Variants in GARNL3 observed in about 807,000 individuals in gnomAD.
GARNL3 encodes the protein GTPase-activating Rap/Ran-GAP domain-like protein 3.
GARNL3 carries 63 observed loss-of-function variants against 125.0 expected under a neutral mutation model. The observed-to-expected ratio is 0.50, with a 90% CI of 0.41 to 0.62. GARNL3 has a LOEUF of 0.62. Among genes scored for constraint, GARNL3 ranks in the 20% least tolerant of loss-of-function variants. The pLI, the probability that GARNL3 is intolerant of heterozygous loss-of-function variation, is 0.00. For synonymous variants in GARNL3, 439 were observed against 457.5 expected (o/e 0.96, Z 0.52); for missense variants, 994 against 1,244.0 (o/e 0.80, Z 3.02).
intron 11 of GARNL3, among the ~76,000 whole-genome samples, chr9:127,336,681 G>T (rs1286970545): frequency 6.6e-6 from 1 of 152,194 alleles, no homozygotes; most frequent in African/African-American, 2.4e-5. Context: ...TTTGAGAAAT[G>T]ATAGAATTAA....
At chr9:127,313,583 A>T (rs982264732) in intron 4 of GARNL3, 24 bp downstream of exon 4, 2 of 1,485,106 alleles carry the variant, frequency 1.3e-6, no homozygotes, top group Non-Finnish European at 1.9e-6. Flanking sequence ...TCACACTTGA[A>T]GCAAAATTTA....
At chr9:127,349,412 TA>T (rs879771012) in intron 17 of GARNL3, among the ~76,000 whole-genome samples, 330 of 144,512 alleles carry the variant, frequency 2.3e-3, no homozygotes, top group Middle Eastern at 3.6e-3. Flanking sequence ...CTCGAAGTCT[TA>T]AAAAAAAAAA....
chr9:127,275,688 G>A (rs886598765), intron 1 of GARNL3, among the ~76,000 whole-genome samples: 1 of 152,172 alleles, frequency 6.6e-6, no homozygotes, highest in Admixed American at 6.5e-5. Context: ...AGCTTGCCGT[G>A]ATTGGCTTAC....
At chr9:127,340,195 T>TG (rs1829787720) in intron 13 of GARNL3, among the ~76,000 whole-genome samples, 1 of 152,096 alleles carries the variant, frequency 6.6e-6, no homozygotes, top group Admixed American at 6.5e-5. Flanking sequence ...CCCATGCACA[T>TG]GTGTGGGAAA....
At chr9:127,318,896 G>C (rs1422114155) in intron 5 of GARNL3, among the ~76,000 whole-genome samples, 3 of 152,166 alleles carry the variant, frequency 2.0e-5, no homozygotes, top group Admixed American at 6.5e-5. Flanking sequence ...TCAGGAATTG[G>C]AGCCTCAGAG....
At chr9:127,237,342 G>A (rs1408294783) in intron 1 of GARNL3, among the ~76,000 whole-genome samples, 1 of 152,226 alleles carries the variant, frequency 6.6e-6, no homozygotes, top group Non-Finnish European at 1.5e-5. Context: ...GTCACTGTCT[G>A]TAAAACCAGA....
intron 1 of GARNL3, among the ~76,000 whole-genome samples, chr9:127,238,671 T>G (rs1217936799): frequency 1.3e-5 from 2 of 152,224 alleles, no homozygotes; most frequent in East Asian, 3.8e-4. Flanking sequence ...TTCTGGGATA[T>G]TTATCCTAGA....
intron 22 of GARNL3, among the ~76,000 whole-genome samples, chr9:127,369,466 G>A (rs1222885813): frequency 1.3e-5 from 2 of 152,242 alleles, no homozygotes; most frequent in African/African-American, 4.8e-5. Flanking sequence ...AAAGGGAAGG[G>A]AGAGACAGAG....
Position 127,320,333 on chromosome 9 carries a change from G to A in GARNL3, c.504-382G>A, listed in dbSNP as rs529259095. Reference sequence around the variant, plus strand: ...GGAACTTAGGTTCAAGGGAATTTACGTTGCTTGTCCAAAGTAAAACATTTT... The same window carrying A: ...GGAACTTAGGTTCAAGGGAATTTACATTGCTTGTCCAAAGTAAAACATTTT... On this transcript the variant is annotated intron_variant, in intron 5 of 27. Coordinates refer to ENST00000373387, the MANE Select transcript of GARNL3 (RefSeq NM_032293.5). 2.0e-5 allele frequency among the ~76,000 whole-genome samples: 3 copies of A among 152,172 alleles called. No homozygotes were observed. In the South Asian group the frequency reaches 6.2e-4, roughly 32 times the overall value.
chr9:127,279,749 C>T lies in GARNL3; in HGVS notation c.145-11419C>T, dbSNP rs968571263. The stretch of plus-strand genomic sequence containing the variant: ...ATGTGTAGCATTTTTTCATAGCCCC[C>T]ATTTTTTTTTGTTTTGTTTTCATTT... On this transcript the variant is annotated intron_variant, in intron 1 of 27. Coordinates refer to ENST00000373387, the MANE Select transcript of GARNL3 (RefSeq NM_032293.5). Among the ~76,000 whole-genome samples the T allele has an allele frequency of 6.6e-5, 10 of 152,184 alleles. No homozygotes were observed. In the East Asian group the frequency reaches 1.7e-3, roughly 26 times the overall value.
At chr9:127,365,251 C>T in intron 21 of GARNL3, 49 bp from the exon 22 acceptor site, 1 of 1,487,018 alleles carries the variant, frequency 6.7e-7, no homozygotes, top group Non-Finnish European at 9.4e-7. Flanking sequence ...AGTCTTTTCA[C>T]AGGGTCAGCA....
At chr9:127,232,605 A>G (rs1326543554) in intron 1 of GARNL3, among the ~76,000 whole-genome samples, 2 of 152,198 alleles carry the variant, frequency 1.3e-5, no homozygotes, top group African/African-American at 4.8e-5. Context: ...CACCGTGCCC[A>G]GCCTGCATTA....
chr9:127,313,135 C>G (rs2065139517), intron 3 of GARNL3, among the ~76,000 whole-genome samples: 1 of 152,092 alleles, frequency 6.6e-6, no homozygotes, highest in South Asian at 2.1e-4. Flanking sequence ...TTCTAGACTC[C>G]ACCAGGTCCA....
At chr9:127,321,170 G>A (rs1285680936) in intron 6 of GARNL3, among the ~76,000 whole-genome samples, 1 of 152,118 alleles carries the variant, frequency 6.6e-6, no homozygotes, top group Non-Finnish European at 1.5e-5. Context: ...TTTCACTCTT[G>A]TGGCCCAGGC....
rs73599265 is a variant in GARNL3 at position 127,284,173 on chromosome 9, G to A, written c.145-6995G>A. Among the ~76,000 whole-genome samples, 179 of 152,226 alleles carry A rather than the reference G, an allele frequency of 1.2e-3. 1 individual carries two copies. The highest frequency in any genetic ancestry group is 4.2e-3 in the African/African-American group (175 of 41,546). On this transcript the variant is annotated intron_variant, in intron 1 of 27. Transcript: ENST00000373387. ...AGGGCTGCCTTTGTGGGGCAGTGTTGTGACAAGATCTTCAGTTTTGCAACT... is the reference window on the plus strand; with the variant it reads ...AGGGCTGCCTTTGTGGGGCAGTGTTATGACAAGATCTTCAGTTTTGCAACT...
At chr9:127,346,257 A>G (rs1830133794) in intron 16 of GARNL3, among the ~76,000 whole-genome samples, 1 of 152,234 alleles carries the variant, frequency 6.6e-6, no homozygotes, top group Non-Finnish European at 1.5e-5. Context: ...AATACATAAA[A>G]GTTAAATGGG....
At chr9:127,331,607 C>T (rs2131563768) in intron 7 of GARNL3, among the ~76,000 whole-genome samples, 1 of 152,084 alleles carries the variant, frequency 6.6e-6, no homozygotes, top group South Asian at 2.1e-4. Context: ...TTCCTCCCTT[C>T]CCTGTGGAAG....
intron 4 of GARNL3, among the ~76,000 whole-genome samples, chr9:127,315,095 C>CAACA (rs889365033): frequency 3.9e-5 from 6 of 152,198 alleles, no homozygotes; most frequent in Admixed American, 3.3e-4. Context: ...TGCCTTCACC[C>CAACA]AACACCTCTT....
chr9:127,352,800 C>T (rs533655211), intron 17 of GARNL3, among the ~76,000 whole-genome samples: 1 of 152,256 alleles, frequency 6.6e-6, no homozygotes, highest in Admixed American at 6.5e-5. Context: ...AACTCCCAAC[C>T]ACACTTAGAT....
Sources: allele counts gnomAD v4.1 joint callset (sites outside exome capture counted in the v4.1 genomes callset), GRCh38; gene constraint gnomAD v4.1.1; transcripts MANE v1.5; gene names NCBI Gene and HGNC (gene_info 2026-07-23, HGNC 2026-07-21).